TKFC: variants seen among roughly 807,000 people sequenced by gnomAD.
The protein encoded by TKFC is triokinase/FMN cyclase.
In TKFC, 46 loss-of-function variants were observed where a neutral mutation model predicts 61.0. The ratio of observed to expected loss-of-function variants is 0.75; its 90% confidence interval spans 0.60 to 0.96. The LOEUF is 0.96. TKFC is among the 50% of genes least tolerant of loss of function. TKFC has a pLI of 0.00. For missense variants in TKFC, 715 were observed against 777.5 expected (o/e 0.92, Z 0.96); for synonymous variants, 314 against 330.1 (o/e 0.95, Z 0.53).
At chr11:61,338,255 A>C in intron 3 of TKFC, 125 bp downstream of exon 3, 2 of 860,058 alleles carry the variant, frequency 2.3e-6, no homozygotes, top group Non-Finnish European at 3.3e-6. Flanking sequence ...GGTACTTCCC[A>C]CTCTCCCACT....
intron 7 of TKFC, 23 bp downstream of exon 7, chr11:61,341,935 C>A (rs1206014826): frequency 2.5e-6 from 4 of 1,602,768 alleles, no homozygotes; most frequent in Non-Finnish European, 2.6e-6. Flanking sequence ...CCATCCATCC[C>A]AGCCCTGCCT....
Position 61,346,964 on chromosome 11 carries a change from C to T in TKFC, c.*461C>T, listed in dbSNP as rs1001826323. 25 of 987,266 alleles carry T rather than the reference C, an allele frequency of 2.5e-5. No homozygotes were observed. Among genetic ancestry groups the T allele is most frequent in the African/African-American group, 1.0e-4 (6 of 57,244 alleles). 61.2% of individuals were successfully genotyped at this position (987,266 alleles called of 1,614,324 possible). A position where few individuals can be genotyped will look rare whatever the true frequency, so the allele number is the denominator to read the frequency against. On this transcript the variant is annotated 3_prime_UTR_variant, in exon 18 of 18. Transcript: ENST00000394900. This position sits in a 1 kb window ranked among gnomAD's most constrained non-coding sequence, Gnocchi z 4.1. ...AGGGACCTTTTCCCAAGCATGTAAA[C>T]AAGGGGGCCCACAGCCCTGGCTGCA...
intron 2 of TKFC, chr11:61,335,300 T>G (rs185186421): frequency 6.4e-6 from 1 of 156,424 alleles, no homozygotes; most frequent in East Asian, 1.9e-4. Flanking sequence ...ATAAGGCAAA[T>G]TAAGGCCTAC....
At chr11:61,341,999 G>A in intron 7 of TKFC, 87 bp downstream of exon 7, 1 of 1,293,402 alleles carries the variant, frequency 7.7e-7, no homozygotes. Context: ...CCATCAACCT[G>A]GTCCTCTCCC....
downstream of TKFC, chr11:61,349,271 G>T: frequency 2.4e-6 from 1 of 425,344 alleles, no homozygotes; most frequent in Non-Finnish European, 4.4e-6. Flanking sequence ...AGCCATGGTG[G>T]GGCCAGGTGA....
At position 61,337,063 on chromosome 11, in the gene TKFC, C is replaced by T. The variant is rs748507845; in HGVS notation, c.4-878C>T. Among the ~76,000 whole-genome samples the T allele has an allele frequency of 5.3e-5, 8 of 152,212 alleles. No individual in the cohort carries two copies. In the South Asian group the frequency reaches 8.3e-4, roughly 16 times the overall value. On this transcript the variant is annotated intron_variant, in intron 2 of 17. Transcript: ENST00000394900. ...CCCTCCTCTATGCTCCCATGGTGCA[C>T]GTGCGCTCCTCGTGTAGCAGTGCCC...
Position 61,341,463 on chromosome 11 carries a change from G to A in TKFC, c.514G>A (p.Val172Met), listed in dbSNP as rs1464777178. The change falls in exon 6 of 18, where the codon GTG becomes ATG. Residue 172 changes from valine to methionine, a missense_variant. Physicochemically the swap from Val to Met is conservative, Grantham distance 21. Transcript: ENST00000394900. ...GGCAGGTGCTCTGGCTGAGGCTGGT[G>A]TGGGGCTGGAGGAGATCGCAAAGCA... ...KVAGALAEAG[V>M]GLEEIAKQVN... The A allele has an allele frequency of 2.6e-6, 4 of 1,554,922 alleles. No individual in the cohort carries two copies. The highest frequency in any genetic ancestry group is 3.5e-6 in the Non-Finnish European group (4 of 1,148,694).
chr11:61,341,517 G>A lies in TKFC; in HGVS notation c.565+3G>A, dbSNP rs758792578. 1 of 1,554,386 alleles carries A rather than the reference G, an allele frequency of 6.4e-7. No homozygotes were observed. Among genetic ancestry groups the A allele is most frequent in the African/African-American group, 1.4e-5 (1 of 73,354 alleles). ...GAACGTGGTCGCCAAGGCCATGGGTGAGTGCTGGCCTGGGAGCTGGGGAAG... is the reference window on the plus strand; with the variant it reads ...GAACGTGGTCGCCAAGGCCATGGGTAAGTGCTGGCCTGGGAGCTGGGGAAG... On this transcript the variant is annotated splice_donor_region_variant and intron_variant, in intron 6 of 17. Transcript: ENST00000394900.
At chr11:61,350,763 G>A, downstream of TKFC, 2 of 624,996 alleles carry the variant, frequency 3.2e-6, no homozygotes, top group South Asian at 2.4e-5. Flanking sequence ...GATTTGGGGG[G>A]GAAATTCTGT....
In TKFC at chr11:61,338,104, G is replaced by T. The variant is rs763703269; in HGVS notation, c.167G>T (p.Gly56Val). Reference protein sequence around the residue: ...KGRVALLSGGGSGHEPAHAGF... With the variant: ...KGRVALLSGGVSGHEPAHAGF... The stretch of plus-strand genomic sequence containing the variant: ...CGGGTGGCACTGCTGTCGGGTGGGG[G>T]CTCTGGCCATGAGCCTGCCCATGCT... Residue 56 changes from glycine to valine, a missense_variant, in exon 3 of 18, where the codon GGC becomes GTC. Physicochemically the swap from Gly to Val is moderately radical, Grantham distance 109 (BLOSUM62 -3). Transcript: ENST00000394900. 16 of 1,604,108 alleles carry T rather than the reference G, an allele frequency of 1.0e-5. No individual in the cohort carries two copies. The highest frequency in any genetic ancestry group is 5.1e-5 in the Admixed American group (3 of 59,088).
chr11:61,352,648 G>C, downstream of TKFC: 1 of 401,826 alleles, frequency 2.5e-6, no homozygotes, highest in Admixed American at 5.1e-5. Flanking sequence ...GCGACAGAGT[G>C]AGACTCCATC....
Position 61,342,827 on chromosome 11 carries a change from C to T in TKFC, c.848C>T (p.Ala283Val). The T allele has an allele frequency of 6.2e-7, 1 of 1,614,042 alleles. No individual in the cohort carries two copies. ...SFLELGIIADATVRSLEGRGV... is the reference protein window; with the variant it reads ...SFLELGIIADVTVRSLEGRGV... ...CTGGAACTGGGCATCATAGCCGACG[C>T]TACCGTCCGCTCCCTGGGTGAGCCA... Residue 283 changes from alanine (A) to valine (V), a missense_variant, in exon 10 of 18, where the codon GCT (alanine) becomes GTT (valine). By Grantham distance (64) the Ala-to-Val change is moderately conservative (BLOSUM62 0). Coordinates refer to ENST00000394900, the MANE Select transcript of TKFC (RefSeq NM_015533.4).
Position 61,334,645 on chromosome 11 carries a change from C to T in TKFC, c.-84C>T. On this transcript the variant is annotated 5_prime_UTR_variant, in exon 2 of 18. Coordinates refer to ENST00000394900, the MANE Select transcript of TKFC (RefSeq NM_015533.4). Reference sequence around the variant, plus strand: ...GTGCTGCTGCTGCCTCCACTGTACTCAGACCCAGGTAGCACAGGATTGTCC... The same window carrying T: ...GTGCTGCTGCTGCCTCCACTGTACTTAGACCCAGGTAGCACAGGATTGTCC... 1.3e-6 allele frequency: 2 copies of T among 1,597,848 alleles called. No homozygotes were observed. Among genetic ancestry groups the T allele is most frequent in the Admixed American group, 3.4e-5 (2 of 59,414 alleles).
chr11:61,335,399 C>T (rs1357384613), intron 2 of TKFC: 1 of 153,042 alleles, frequency 6.5e-6, no homozygotes, highest in Non-Finnish European at 1.5e-5. Flanking sequence ...GCCACTGAAA[C>T]CAGGGATAGC....
At chr11:61,353,023 G>T (rs200527395), downstream of TKFC, 9 of 1,614,024 alleles carry the variant, frequency 5.6e-6, no homozygotes, top group African/African-American at 1.3e-5. Context: ...CCGAAATGAC[G>T]GATGCGATGG....
chr11:61,334,815 C>CT (rs1447876627), intron 2 of TKFC, 84 bp downstream of exon 2: 1 of 1,597,362 alleles, frequency 6.3e-7, no homozygotes, highest in Non-Finnish European at 8.6e-7. Context: ...GCTCCTTACA[C>CT]TTTGACTGAG....
chr11:61,347,672 A>G lies in TKFC; in HGVS notation c.*1169A>G, dbSNP rs902627967. On this transcript the variant is annotated 3_prime_UTR_variant, in exon 18 of 18. Transcript: ENST00000394900. ...GAGACAAACAGCACATGCCTGGCAC[A>G]CATGTAGGGTAGGGAGTGGTTAAAG... is the stretch of plus-strand genomic sequence containing the variant. 1.4e-4 allele frequency: 138 copies of G among 985,444 alleles called. 1 individual carries two copies. Among genetic ancestry groups the G allele is most frequent in the Admixed American group, 2.5e-4 (4 of 16,282 alleles). 61.0% of individuals were successfully genotyped at this position (985,444 alleles called of 1,614,324 possible).
intron 11 of TKFC, 133 bp downstream of exon 11, chr11:61,343,591 G>A (rs1239397093): frequency 3.2e-6 from 3 of 926,230 alleles, no homozygotes; most frequent in African/African-American, 3.3e-5. Flanking sequence ...GCTCTTCCTG[G>A]GCTTCTCCAG....
Position 61,347,096 on chromosome 11 carries a change from T to C in TKFC, c.*593T>C. ...ACTGAGACCCCCGACCCATCCCCTTTCCAGTACACACACCTGATGCATGTA... is the reference window on the plus strand; with the variant it reads ...ACTGAGACCCCCGACCCATCCCCTTCCCAGTACACACACCTGATGCATGTA... On this transcript the variant is annotated 3_prime_UTR_variant, in exon 18 of 18. Transcript: ENST00000394900. 5 of 985,630 alleles carry C rather than the reference T, an allele frequency of 5.1e-6. No homozygotes were observed. The highest frequency in any genetic ancestry group is 6.0e-6 in the Non-Finnish European group (5 of 830,152). 61.1% of individuals were successfully genotyped at this position (985,630 alleles called of 1,614,324 possible). A position where few individuals can be genotyped will look rare whatever the true frequency, so the allele number is the denominator to read the frequency against.
Sources: allele counts gnomAD v4.1 joint callset (sites outside exome capture counted in the v4.1 genomes callset), GRCh38; gene constraint gnomAD v4.1.1; non-coding constraint Gnocchi (gnomAD v3.1); transcripts MANE v1.5; gene names NCBI Gene and HGNC (gene_info 2026-07-23, HGNC 2026-07-21).